The following TSPAN15 variants were observed in gnomAD, a reference collection of about 807,000 sequenced individuals.
The protein encoded by TSPAN15 is tetraspanin 15.
TSPAN15 carries 20 observed loss-of-function variants against 34.5 expected under a neutral mutation model. That is an observed-to-expected ratio of 0.58 (90% CI 0.41 to 0.84). TSPAN15 has a LOEUF of 0.84. Ranked by LOEUF, TSPAN15 falls within the 40% of genes least tolerant of loss-of-function variation. TSPAN15 has a pLI of 0.00. For synonymous variants in TSPAN15, 155 were observed against 153.9 expected (o/e 1.01, Z -0.05); for missense variants, 313 against 386.1 (o/e 0.81, Z 1.59).
the TSPAN15 span, among the ~76,000 whole-genome samples, chr10:69,526,963 T>C: frequency 1.4e-5 from 2 of 147,882 alleles, 1 homozygote; most frequent in Admixed American, 1.4e-4. Context: ...ACAGCAATTT[T>C]ATTCCTAGGT....
At chr10:69,489,824 AG>A (rs1178005417) in intron 3 of TSPAN15, among the ~76,000 whole-genome samples, 6 of 152,216 alleles carry the variant, frequency 3.9e-5, no homozygotes, top group Admixed American at 6.5e-5. Flanking sequence ...TAGGAGCAGG[AG>A]AAGTACGACA....
chr10:69,494,657 G>A (rs776555552), intron 3 of TSPAN15: 50 of 985,318 alleles, frequency 5.1e-5, no homozygotes, highest in East Asian at 2.3e-4. Context: ...GAAGTAAGCC[G>A]CGATGGGGCC....
chr10:69,462,297 A>G (rs939930537), intron 1 of TSPAN15, among the ~76,000 whole-genome samples: 1 of 143,664 alleles, frequency 7.0e-6, no homozygotes, highest in Non-Finnish European at 1.5e-5. Flanking sequence ...CACCGTGCCT[A>G]GCTTTATCTG....
rs144868700 is a variant in TSPAN15 at position 69,470,261 on chromosome 10, G to A, written c.97-13430G>A. ...CGGGAGGTATGGAATATCACATTAGGGGGTGTGTGCTATCTGGCCACACCA... is the reference window on the plus strand; with the variant it reads ...CGGGAGGTATGGAATATCACATTAGAGGGTGTGTGCTATCTGGCCACACCA... On this transcript the variant is annotated intron_variant, in intron 1 of 7. Coordinates refer to ENST00000373290, the MANE Select transcript of TSPAN15 (RefSeq NM_012339.5). Among the ~76,000 whole-genome samples the A allele has an allele frequency of 2.1e-3, 315 of 152,244 alleles. 1 individual carries two copies. The highest frequency in any genetic ancestry group is 7.1e-3 in the African/African-American group (294 of 41,534).
Position 69,455,205 on chromosome 10 carries a change from AC to A in TSPAN15, c.96+3519del, listed in dbSNP as rs1296318461. Among the ~76,000 whole-genome samples, 12 of 150,096 alleles carry A rather than the reference AC, an allele frequency of 8.0e-5. 1 individual carries two copies. Among genetic ancestry groups the A allele is most frequent in the African/African-American group, 2.9e-4 (12 of 40,746 alleles). On this transcript the variant is annotated intron_variant, in intron 1 of 7. Coordinates refer to ENST00000373290, the MANE Select transcript of TSPAN15 (RefSeq NM_012339.5). ...TGGTTAGTGACAAGCCTCCCCTCCT[AC>A]CCCTCTCTCCTGGCCTGCCCAGTCC... is the stretch of plus-strand genomic sequence containing the variant.
chr10:69,530,484 TA>T, the TSPAN15 span, among the ~76,000 whole-genome samples: 9 of 147,566 alleles, frequency 6.1e-5, no homozygotes, highest in African/African-American at 2.2e-4. Flanking sequence ...TAAAATGGCC[TA>T]AAAAATTATA....
the TSPAN15 span, among the ~76,000 whole-genome samples, chr10:69,517,124 C>A: frequency 2.0e-4 from 30 of 152,162 alleles, no homozygotes; most frequent in Non-Finnish European, 1.5e-5. Context: ...AGTGGCTGTG[C>A]CAGGTGTACG....
the TSPAN15 span, among the ~76,000 whole-genome samples, chr10:69,519,352 C>T: frequency 2.6e-5 from 4 of 151,958 alleles, no homozygotes; most frequent in Non-Finnish European, 5.9e-5. Flanking sequence ...CCCAGGAAGT[C>T]GAGGCTGCAG....
intron 1 of TSPAN15, among the ~76,000 whole-genome samples, chr10:69,467,485 G>A (rs554540781): frequency 7.2e-4 from 109 of 152,268 alleles, no homozygotes; most frequent in Admixed American, 2.9e-3. Context: ...GTGGTGGCAT[G>A]TGCCTGCAGT....
At chr10:69,498,553 G>A (rs111445515) in intron 5 of TSPAN15, among the ~76,000 whole-genome samples, 157 bp downstream of exon 5, 1,793 of 152,250 alleles carry the variant, frequency 0.012, 32 homozygotes, top group African/African-American at 0.04. Flanking sequence ...GATTCTCAAG[G>A]GCTCCTGAAA....
intron 1 of TSPAN15, among the ~76,000 whole-genome samples, chr10:69,457,820 T>G (rs1841147465): frequency 6.6e-6 from 1 of 152,214 alleles, no homozygotes; most frequent in South Asian, 2.1e-4. Context: ...GATGGATTAA[T>G]ACATCTGAAG....
chr10:69,456,666 G>A (rs746204560), intron 1 of TSPAN15, among the ~76,000 whole-genome samples: 2 of 152,130 alleles, frequency 1.3e-5, no homozygotes, highest in African/African-American at 2.4e-5. Flanking sequence ...TGACCCTGAC[G>A]CCTACCCTCT....
intron 5 of TSPAN15, among the ~76,000 whole-genome samples, chr10:69,503,651 G>C (rs1842256240): frequency 6.6e-6 from 1 of 152,154 alleles, no homozygotes; most frequent in South Asian, 2.1e-4. Context: ...ACTGGCGCCT[G>C]CAGCACTCAC....
At chr10:69,485,015 A>C in intron 2 of TSPAN15, 126 bp from the exon 3 acceptor site, 1 of 875,652 alleles carries the variant, frequency 1.1e-6, no homozygotes, top group South Asian at 1.5e-5. Flanking sequence ...GAGGCCTAGG[A>C]GCTGGTAGGA....
intron 1 of TSPAN15, among the ~76,000 whole-genome samples, chr10:69,455,524 CTT>C (rs1841069215): frequency 3.4e-5 from 5 of 147,556 alleles, no homozygotes; most frequent in African/African-American, 5.1e-5. Context: ...CTTTCCCTCT[CTT>C]TCTTTCTCTT....
rs146796855 is a variant in TSPAN15, at chr10:69,492,662, G to A, written c.358-2932G>A. Among the ~76,000 whole-genome samples, 172 of 150,256 alleles carry A rather than the reference G, an allele frequency of 1.1e-3. 2 individuals are homozygous for A. The East Asian group carries it at 0.02, about 17-fold the overall frequency. On this transcript the variant is annotated intron_variant, in intron 3 of 7. Transcript: ENST00000373290. ...AGGAGGCGGGATGGTTTGGGGAGGC[G>A]GGATGGTTTGGGGAGGCAGGCTGGG...
In TSPAN15 at chr10:69,506,333, T is replaced by C. The variant is rs548581658; in HGVS notation, c.735+93T>C. 73 of 1,269,064 alleles carry C rather than the reference T, an allele frequency of 5.8e-5. No homozygotes were observed. In the South Asian group the frequency reaches 6.9e-4, roughly 12 times the overall value. The allele number at this position is 1,269,064 out of a possible 1,614,324, so 78.6% of individuals were successfully genotyped here. A position where few individuals can be genotyped will look rare whatever the true frequency, so the allele number is the denominator to read the frequency against. On this transcript the variant is annotated intron_variant, in intron 7 of 7. Coordinates refer to ENST00000373290, the MANE Select transcript of TSPAN15 (RefSeq NM_012339.5). The surrounding 1 kb of genome is among the most constrained non-coding windows in gnomAD (Gnocchi z 4.7). Reference sequence around the variant, plus strand: ...GGGAAGAGCGAAGAGGCTTTTTTCATAGAAGTCCAGGACTTGCCTGGGGAG... The same window carrying C: ...GGGAAGAGCGAAGAGGCTTTTTTCACAGAAGTCCAGGACTTGCCTGGGGAG...
chr10:69,548,863 A>G, the TSPAN15 span, among the ~76,000 whole-genome samples: 1 of 152,084 alleles, frequency 6.6e-6, no homozygotes, highest in Middle Eastern at 3.2e-3. Flanking sequence ...ACGCATTGCT[A>G]TAATATGTGA....
intron 5 of TSPAN15, among the ~76,000 whole-genome samples, chr10:69,501,637 A>G (rs962291744): frequency 6.6e-5 from 10 of 152,346 alleles, no homozygotes; most frequent in South Asian, 2.1e-4. Context: ...AAATCCTGCT[A>G]TCTAAGCCTC....
Sources: allele counts gnomAD v4.1 joint callset (sites outside exome capture counted in the v4.1 genomes callset), GRCh38; gene constraint gnomAD v4.1.1; non-coding constraint Gnocchi (gnomAD v3.1); transcripts MANE v1.5; gene names NCBI Gene and HGNC (gene_info 2026-07-23, HGNC 2026-07-21).